The following DENND2C variants were observed in gnomAD, a reference collection of about 807,000 sequenced individuals.
DENND2C encodes the protein DENN domain-containing protein 2C.
In DENND2C, 72 loss-of-function variants were observed where a neutral mutation model predicts 112.4. The ratio of observed to expected loss-of-function variants is 0.64; its 90% CI spans 0.53 to 0.78. The LOEUF (loss-of-function observed/expected upper bound fraction) is 0.78. DENND2C is among the 30% of genes least tolerant of loss of function. The pLI, the probability that DENND2C is intolerant of heterozygous loss-of-function variation, is 0.00. For missense variants in DENND2C, 992 were observed against 1,113.8 expected, an observed-to-expected ratio of 0.89 and a Z score of 1.56; for synonymous variants, 329 against 381.6, an observed-to-expected ratio of 0.86 and a Z score of 1.61.
chr1:114,661,101 C>T (rs116638967), intron 1 of DENND2C, among the ~76,000 whole-genome samples: 3,946 of 113,818 alleles, frequency 0.035, 100 homozygotes, highest in Non-Finnish European at 0.041. Context: ...AGCGAGACTC[C>T]GTCTCAAAAA....
At chr1:114,589,611 C>T (rs919717209) in intron 18 of DENND2C, among the ~76,000 whole-genome samples, 6 of 151,726 alleles carry the variant, frequency 4.0e-5, no homozygotes, top group Admixed American at 1.3e-4. Flanking sequence ...CCTGCCTTGA[C>T]CTCCCAAAGT....
intron 3 of DENND2C, among the ~76,000 whole-genome samples, chr1:114,628,883 T>C (rs1449555818): frequency 1.3e-5 from 2 of 152,228 alleles, no homozygotes; most frequent in African/African-American, 2.4e-5. Flanking sequence ...ACCTCCATTA[T>C]TGGTAGACAT....
chr1:114,593,318 C>T (rs185933690), intron 18 of DENND2C, among the ~76,000 whole-genome samples: 10 of 152,192 alleles, frequency 6.6e-5, no homozygotes, highest in Non-Finnish European at 7.3e-5. Flanking sequence ...TCACTCTATA[C>T]GATCATCTCA....
rs553461387 is a variant in DENND2C at position 114,601,727 on chromosome 1, T to A, written c.1738-142A>T. ...CTCATCTTTAGTGAACACTGAAAGATGTGAAAAGTGCTAAAAATGATAGCA... is the reference window on the plus strand; with the variant it reads ...CTCATCTTTAGTGAACACTGAAAGAAGTGAAAAGTGCTAAAAATGATAGCA... On this transcript the variant is annotated intron_variant, in intron 12 of 20. Coordinates refer to ENST00000393274, the MANE Select transcript of DENND2C (RefSeq NM_001256404.2). 2.9e-5 allele frequency: 21 copies of A among 713,090 alleles called. No individual in the cohort carries two copies. In the African/African-American group the frequency reaches 3.8e-4, roughly 13 times the overall value. The allele number at this position is 713,090 out of a possible 1,614,324, so 44.2% of individuals were successfully genotyped here.
intron 7 of DENND2C, among the ~76,000 whole-genome samples, chr1:114,618,936 GC>G (rs1456097659): frequency 6.6e-6 from 1 of 152,162 alleles, no homozygotes; most frequent in East Asian, 1.9e-4. Flanking sequence ...TACTTAGAAA[GC>G]TTTTGTCAAA....
At position 114,625,924 on chromosome 1, in the gene DENND2C, T is replaced by G; in HGVS notation, c.61A>C (p.Ile21Leu). The change falls in exon 4 of 21, where the codon ATC (isoleucine) becomes CTC (leucine). Residue 21 changes from isoleucine (I) to leucine (L), a missense_variant. Coordinates refer to ENST00000393274, the MANE Select transcript of DENND2C (RefSeq NM_001256404.2). ...QTLSRSHCKN[I>L]KQKISQWEGR... ...TCCCATTGAGAAATTTTTTGTTTGATGTTTTTGCAGTGGCTTCTTGACAGT... is the reference window on the plus strand; with the variant it reads ...TCCCATTGAGAAATTTTTTGTTTGAGGTTTTTGCAGTGGCTTCTTGACAGT... The G allele has an allele frequency of 5.6e-6, 9 of 1,614,124 alleles. No individual in the cohort carries two copies. Among genetic ancestry groups the G allele is most frequent in the Non-Finnish European group, 7.6e-6 (9 of 1,179,988 alleles).
chr1:114,667,249 CTTCT>C (rs1419695516), intron 1 of DENND2C, among the ~76,000 whole-genome samples: 3 of 152,196 alleles, frequency 2.0e-5, no homozygotes, highest in Non-Finnish European at 4.4e-5. Context: ...TCTATCTATA[CTTCT>C]TTCTTTTTCT....
intron 11 of DENND2C, among the ~76,000 whole-genome samples, chr1:114,603,565 T>A (rs1185817009): frequency 6.6e-6 from 1 of 150,454 alleles, no homozygotes; most frequent in Non-Finnish European, 1.5e-5. Flanking sequence ...TTATTATTTT[T>A]GGACAGGGTC....
At chr1:114,604,659 C>CT (rs35947354) in intron 11 of DENND2C, among the ~76,000 whole-genome samples, 65,053 of 145,668 alleles carry the variant, frequency 0.45, 14,518 homozygotes, top group East Asian at 0.51. Context: ...TAAAATAGAA[C>CT]TTTTTTTTTT....
rs771214011 is a variant in DENND2C, at chr1:114,585,570, G to T, written c.*30C>A. 6.2e-7 allele frequency: 1 copy of T among 1,610,880 alleles called. No individual in the cohort carries two copies. Among genetic ancestry groups the T allele is most frequent in the African/African-American group, 1.3e-5 (1 of 74,790 alleles). On this transcript the variant is annotated 3_prime_UTR_variant, in exon 21 of 21. Transcript: ENST00000393274. Reference sequence around the variant, plus strand: ...AATATTTTCTTTGGCACTTTCTGTTGTATATTCAGGATGGAGACAATCAGA... The same window carrying T: ...AATATTTTCTTTGGCACTTTCTGTTTTATATTCAGGATGGAGACAATCAGA...
intron 2 of DENND2C, among the ~76,000 whole-genome samples, chr1:114,649,815 A>C (rs1292729385): frequency 6.6e-6 from 1 of 152,232 alleles, no homozygotes; most frequent in African/African-American, 2.4e-5. Flanking sequence ...GCAATAAAAA[A>C]AAGTTTTAAA....
At chr1:114,602,073 G>T in intron 12 of DENND2C, 52 bp downstream of exon 12, 3 of 1,568,152 alleles carry the variant, frequency 1.9e-6, no homozygotes, top group South Asian at 1.1e-5. Context: ...TTCCTACTCT[G>T]ACTCAATTAT....
chr1:114,652,661 CTTTTT>C (rs55647145), intron 2 of DENND2C, among the ~76,000 whole-genome samples: 6 of 109,826 alleles, frequency 5.5e-5, no homozygotes, highest in South Asian at 3.4e-4. Flanking sequence ...CTTACATTTA[CTTTTT>C]TTTTTTTTTT....
chr1:114,605,572 A>G (rs1437396674), intron 10 of DENND2C, among the ~76,000 whole-genome samples: 1 of 152,212 alleles, frequency 6.6e-6, no homozygotes, highest in East Asian at 1.9e-4. Flanking sequence ...TGGGCGCATC[A>G]CTTGAGCCCA....
In DENND2C at chr1:114,608,616, A is replaced by G. The variant is rs1461530970; in HGVS notation, c.1557+70T>C. The G allele has an allele frequency of 1.8e-5, 27 of 1,517,408 alleles. No homozygotes were observed. In the Middle Eastern group the frequency reaches 7.4e-4, roughly 42 times the overall value. The allele number at this position is 1,517,408 out of a possible 1,614,324, so 94.0% of individuals were successfully genotyped here. ...ACTTGTTGAGATAACAAAAACCAAG[A>G]GGACAGGAAATACATGTACACAGAG... On this transcript the variant is annotated intron_variant, in intron 10 of 20. Coordinates refer to ENST00000393274, the MANE Select transcript of DENND2C (RefSeq NM_001256404.2).
At chr1:114,647,335 T>C (rs2101686141) in intron 2 of DENND2C, among the ~76,000 whole-genome samples, 1 of 152,090 alleles carries the variant, frequency 6.6e-6, no homozygotes, top group South Asian at 2.1e-4. Flanking sequence ...ATTCCAATTG[T>C]GTATGTTTAT....
At chr1:114,662,301 A>G (rs1202175468) in intron 1 of DENND2C, among the ~76,000 whole-genome samples, 1 of 152,184 alleles carries the variant, frequency 6.6e-6, no homozygotes, top group Non-Finnish European at 1.5e-5. Flanking sequence ...TTTTACTCCA[A>G]CAGAAAAAAA....
intron 8 of DENND2C, among the ~76,000 whole-genome samples, chr1:114,614,920 A>C (rs1051362687): frequency 3.9e-5 from 6 of 152,214 alleles, no homozygotes; most frequent in Admixed American, 3.9e-4. Flanking sequence ...AGGCTGAGGC[A>C]GGAGAATTGC....
At chr1:114,594,849 G>C (rs1393858645) in intron 17 of DENND2C, among the ~76,000 whole-genome samples, 1 of 152,096 alleles carries the variant, frequency 6.6e-6, no homozygotes, top group African/African-American at 2.4e-5. Flanking sequence ...ATATTATGAA[G>C]ATCATCCACA....
Sources: gnomAD v4.1 joint callset for allele counts (sites outside exome capture counted in the v4.1 genomes callset) on GRCh38, gnomAD v4.1.1 for gene constraint, MANE v1.5 for transcripts, NCBI Gene and HGNC (gene_info 2026-07-23, HGNC 2026-07-21) for gene names.